Variants in AHNAK2 observed in about 807,000 individuals in gnomAD.
The protein encoded by AHNAK2 is AHNAK nucleoprotein 2.
In AHNAK2, 18 loss-of-function variants were observed where a neutral mutation model predicts 30.7. The ratio of observed to expected loss-of-function variants is 0.59; its 90% CI spans 0.41 to 0.87. AHNAK2 has a LOEUF of 0.87. Ranked by LOEUF, AHNAK2 falls within the 40% of genes least tolerant of loss-of-function variation. AHNAK2 has a pLI of 0.00. For synonymous variants in AHNAK2, 3,590 were observed against 3,073.8 expected (o/e 1.17, Z -5.56); for missense variants, 8,604 against 7,373.0 (o/e 1.17, Z -6.11).
chr14:104,940,228 C>A lies in AHNAK2; in HGVS notation c.15223G>T (p.Ala5075Ser). ...TCACTTCCTGTGGCACTTGCTGTTGCACCAAGTCCTCCCCTACCACCGTCA... is the reference window on the plus strand; with the variant it reads ...TCACTTCCTGTGGCACTTGCTGTTGAACCAAGTCCTCCCCTACCACCGTCA... Reference protein sequence around the residue: ...SSDGGRGGLGATASATGSEGV... With the variant: ...SSDGGRGGLGSTASATGSEGV... Residue 5075 changes from alanine (A) to serine (S), a missense_variant, in exon 7 of 7, where the codon GCA (alanine) becomes TCA (serine). Physicochemically the swap from Ala to Ser is moderately conservative, Grantham distance 99. Coordinates refer to ENST00000333244, the MANE Select transcript of AHNAK2 (RefSeq NM_138420.4). This position sits in a 1 kb window ranked among gnomAD's most constrained non-coding sequence, Gnocchi z 4.4. 1.2e-6 allele frequency: 2 copies of A among 1,613,566 alleles called. No individual in the cohort carries two copies. Among genetic ancestry groups the A allele is most frequent in the South Asian group, 1.1e-5 (1 of 91,078 alleles).
In AHNAK2 at chr14:104,946,293, T is replaced by C. The variant is rs1323758152; in HGVS notation, c.9158A>G (p.Glu3053Gly). ...DLKLPEGHVP[E>G]GAGLKGHLPK... ...CAGGTGCCCTTTGAGGCCAGCTCCCTCGGGAACGTGGCCCTCTGGGAGCTT... is the reference window on the plus strand; with the variant it reads ...CAGGTGCCCTTTGAGGCCAGCTCCCCCGGGAACGTGGCCCTCTGGGAGCTT... The change falls in exon 7 of 7, where the codon GAG becomes GGG. Residue 3053 changes from glutamate to glycine, a missense_variant. Glu to Gly is a moderately conservative substitution (Grantham distance 98, BLOSUM62 -2). Transcript: ENST00000333244. The C allele has an allele frequency of 6.2e-7, 1 of 1,611,602 alleles. No homozygotes were observed. Among genetic ancestry groups the C allele is most frequent in the Non-Finnish European group, 8.5e-7 (1 of 1,179,304 alleles).
In AHNAK2 at chr14:104,952,420, A is replaced by T. The variant is rs1023117370; in HGVS notation, c.3031T>A (p.Ser1011Thr). The T allele has an allele frequency of 6.2e-7, 1 of 1,612,466 alleles. No homozygotes were observed. The highest frequency in any genetic ancestry group is 8.5e-7 in the Non-Finnish European group (1 of 1,179,488). ...GCCTTGATGGACTTCCCTGGGGCCG[A>T]TACCCCGAACGACGGCATCTTGAAC... ...PKFKMPSFGVSAPGKSIKALV... is the reference protein window; with the variant it reads ...PKFKMPSFGVTAPGKSIKALV... Residue 1011 changes from serine (S) to threonine (T), a missense_variant, in exon 7 of 7, where the codon TCG becomes ACG. Ser to Thr is a moderately conservative substitution (Grantham distance 58, BLOSUM62 1). Transcript: ENST00000333244.
rs10438246 is a variant in AHNAK2, at chr14:104,943,846, T to C, written c.11605A>G (p.Met3869Val). The change falls in exon 7 of 7, where the codon ATG becomes GTG. Residue 3869 changes from methionine to valine, a missense_variant. By Grantham distance (21) the Met-to-Val change is conservative. Transcript: ENST00000333244. ...GGCACGTGGCCCTCCAGGAGTTTCA[T>C]GTCCACCTGGCGAGCTTGGACCGTC... ...DLTVQARQVD[M>V]KLLEGHVPEE... 875,320 of 1,612,574 alleles carry C rather than the reference T, an allele frequency of 0.54. 240,494 individuals carry two copies. The highest frequency in any genetic ancestry group is 0.67 in the Middle Eastern group (4,067 of 6,054).
chr14:104,961,281 G>A lies in AHNAK2; in HGVS notation c.56-3609C>T, dbSNP rs1018614511. ...TGTAATCCCAGCACTTTGGGAGGCC[G>A]AGGCGGGCGGATCACGAGGTCAGGA... On this transcript the variant is annotated intron_variant, in intron 1 of 6. Transcript: ENST00000333244. 1.3e-4 allele frequency among the ~76,000 whole-genome samples: 20 copies of A among 152,242 alleles called. No homozygotes were observed. The East Asian group carries it at 2.7e-3, about 21-fold the overall frequency.
In AHNAK2 at chr14:104,946,176, C is replaced by A. The variant is rs1286917958; in HGVS notation, c.9275G>T (p.Gly3092Val). The change falls in exon 7 of 7, where the codon GGC (glycine) becomes GTC (valine). Residue 3092 changes from glycine (G) to valine (V), a missense_variant. Physicochemically the swap from Gly to Val is moderately radical, Grantham distance 109 (BLOSUM62 -3). Coordinates refer to ENST00000333244, the MANE Select transcript of AHNAK2 (RefSeq NM_138420.4). ...GGGGGCCGTCACGTCCGTCTTCGGG[C>A]CTTTCAGGTCCAGCTTGGGGCCCTT... Reference protein sequence around the residue: ...DVKGPKLDLKGPKTDVTAPDV... With the variant: ...DVKGPKLDLKVPKTDVTAPDV... 3.7e-6 allele frequency: 6 copies of A among 1,610,912 alleles called. No homozygotes were observed. Among genetic ancestry groups the A allele is most frequent in the South Asian group, 1.1e-5 (1 of 90,868 alleles).
At position 104,946,147 on chromosome 14, in the gene AHNAK2, C is replaced by T. The variant is rs199560891; in HGVS notation, c.9304G>A (p.Val3102Met). The change falls in exon 7 of 7, where the codon GTG becomes ATG. Residue 3102 changes from valine to methionine, a missense_variant. Coordinates refer to ENST00000333244, the MANE Select transcript of AHNAK2 (RefSeq NM_138420.4). The part of the protein sequence containing the change: ...GPKTDVTAPD[V>M]EVSQPGMEVD... ...TCCATGCCGGGCTGAGACACCTCCA[C>T]GTCGGGGGCCGTCACGTCCGTCTTC... 169 of 1,612,426 alleles carry T rather than the reference C, an allele frequency of 1.0e-4. No individual in the cohort carries two copies. Among genetic ancestry groups the T allele is most frequent in the Non-Finnish European group, 1.3e-4 (158 of 1,179,548 alleles).
chr14:104,945,261 G>A lies in AHNAK2; in HGVS notation c.10190C>T (p.Pro3397Leu), dbSNP rs1460033466. 6 of 1,612,640 alleles carry A rather than the reference G, an allele frequency of 3.7e-6. No individual in the cohort carries two copies. Among genetic ancestry groups the A allele is most frequent in the South Asian group, 2.2e-5 (2 of 91,042 alleles). The change falls in exon 7 of 7, where the codon CCC (proline) becomes CTC (leucine). Residue 3397 changes from proline (P) to leucine (L), a missense_variant. Coordinates refer to ENST00000333244, the MANE Select transcript of AHNAK2 (RefSeq NM_138420.4). Reference sequence around the variant, plus strand: ...GTCCACTTTGGGCATCTTGAAACTGGGCATCTCCACCTTGGGCAGGTGCCC... The same window carrying A: ...GTCCACTTTGGGCATCTTGAAACTGAGCATCTCCACCTTGGGCAGGTGCCC... ...LKGHLPKVEMPSFKMPKVDLK... is the reference protein window; with the variant it reads ...LKGHLPKVEMLSFKMPKVDLK...
Position 104,947,346 on chromosome 14 carries a change from G to C in AHNAK2, c.8105C>G (p.Ser2702Cys), listed in dbSNP as rs764445130. The change falls in exon 7 of 7, where the codon TCT becomes TGT. Residue 2702 changes from serine (S) to cysteine (C), a missense_variant. Coordinates refer to ENST00000333244, the MANE Select transcript of AHNAK2 (RefSeq NM_138420.4). ...KTTDISIQPP[S>C]AQLEVQAGQV... is the part of the protein sequence containing the mutation. ...GCCAGCCTGGACCTCCAGTTGGGCA[G>C]AGGGGGGCTGAATGCTGATGTCAGT... 17 of 1,612,476 alleles carry C rather than the reference G, an allele frequency of 1.1e-5. No individual in the cohort carries two copies. The highest frequency in any genetic ancestry group is 1.4e-5 in the Non-Finnish European group (17 of 1,179,600).
At chr14:104,955,444 G>A (rs1443805398) in intron 5 of AHNAK2, 39 bp downstream of exon 5, 6 of 1,585,058 alleles carry the variant, frequency 3.8e-6, no homozygotes, top group Admixed American at 3.4e-5. Context: ...CATCCTGGTG[G>A]GGAGAATGGT....
chr14:104,938,611 ACT>A lies in AHNAK2; in HGVS notation c.16838_16839del (p.Glu5613ValfsTer4), dbSNP rs1167595854. Reference sequence around the variant, plus strand: ...GCCTCTTGGCTATCATCAGGGGGAAACTCAAGAATTTCTGCTGGCTCCTCATC... The same window carrying A: ...GCCTCTTGGCTATCATCAGGGGGAAACAAGAATTTCTGCTGGCTCCTCATC... ...CSDEEPAEILEFPPDDSQEAT... is the reference protein window; with the variant it reads ...CSDEEPAEILXFPPDDSQEAT... On this transcript the variant is annotated frameshift_variant, in exon 7 of 7. Coordinates refer to ENST00000333244, the MANE Select transcript of AHNAK2 (RefSeq NM_138420.4). LOFTEE classifies it low-confidence loss of function (END_TRUNC). 1 of 1,612,802 alleles carries A rather than the reference ACT, an allele frequency of 6.2e-7. No individual in the cohort carries two copies. The highest frequency in any genetic ancestry group is 1.3e-5 in the African/African-American group (1 of 74,912).
chr14:104,959,002 C>T (rs939708515), intron 1 of AHNAK2, among the ~76,000 whole-genome samples: 18 of 152,118 alleles, frequency 1.2e-4, no homozygotes, highest in African/African-American at 3.1e-4. Flanking sequence ...CTGTTGTCAA[C>T]GAAGAATTTG....
intron 1 of AHNAK2, among the ~76,000 whole-genome samples, chr14:104,961,223 T>C (rs1479534082): frequency 1.3e-5 from 2 of 149,502 alleles, no homozygotes; most frequent in Admixed American, 1.3e-4. Flanking sequence ...GTGCAAAAGT[T>C]GCTGTTGTGG....
chr14:104,938,122 G>C lies in AHNAK2; in HGVS notation c.17329C>G (p.Gln5777Glu), dbSNP rs1455071401. The change falls in exon 7 of 7, where the codon CAG (glutamine) becomes GAG (glutamate). Residue 5777 changes from glutamine (Q) to glutamate (E), a missense_variant. Physicochemically the swap from Gln to Glu is conservative, Grantham distance 29. Coordinates refer to ENST00000333244, the MANE Select transcript of AHNAK2 (RefSeq NM_138420.4). ...CTTTCATCGTCAGCTTTTCTGTCCT[G>C]CTCGGGCAGGATTAACTCTGTTCTT... ...AARTELILPE[Q>E]DRKADDESKG... is the part of the protein sequence containing the mutation. 1.2e-6 allele frequency: 2 copies of C among 1,613,770 alleles called. No individual in the cohort carries two copies. The highest frequency in any genetic ancestry group is 1.7e-6 in the Non-Finnish European group (2 of 1,179,900).
rs1424446241 is a variant in AHNAK2 at position 104,950,150 on chromosome 14, C to A, written c.5301G>T (p.Lys1767Asn). ...CCGCCTTGGGGCCTTTCAGGTCCAG[C>A]TTGGGGCCCTTGACGTCCATCTGGG... ...KGPQMDVKGP[K>N]LDLKGPKAEV... is the part of the protein sequence containing the mutation. The change falls in exon 7 of 7, where the codon AAG (lysine) becomes AAT (asparagine). Residue 1767 changes from lysine to asparagine, a missense_variant. By Grantham distance (94) the Lys-to-Asn change is moderately conservative (BLOSUM62 0). Transcript: ENST00000333244. 1 of 1,586,344 alleles carries A rather than the reference C, an allele frequency of 6.3e-7. No homozygotes were observed. Among genetic ancestry groups the A allele is most frequent in the Non-Finnish European group, 8.6e-7 (1 of 1,162,968 alleles).
rs546644477 is a variant in AHNAK2, at chr14:104,952,516, A to T, written c.2935T>A (p.Trp979Arg). 6.2e-7 allele frequency: 1 copy of T among 1,602,810 alleles called. No individual in the cohort carries two copies. The highest frequency in any genetic ancestry group is 8.5e-7 in the Non-Finnish European group (1 of 1,176,092). The change falls in exon 7 of 7, where the codon TGG becomes AGG. Residue 979 changes from tryptophan to arginine, a missense_variant. Trp to Arg is a moderately radical substitution (Grantham distance 101). Transcript: ENST00000333244. ...GCCAGGGACAGGTCCCCCTCCAGCC[A>T]CGCACCATCCAGCTTGGCCTTCTGG... ...QAQKAKLDGAWLEGDLSLADK... is the reference protein window; with the variant it reads ...QAQKAKLDGARLEGDLSLADK...
At chr14:104,975,536 C>T (rs1899570446) in intron 1 of AHNAK2, among the ~76,000 whole-genome samples, 1 of 152,216 alleles carries the variant, frequency 6.6e-6, no homozygotes. Context: ...CAGAGGGGCT[C>T]CTTTGCCTGC....
In AHNAK2 at chr14:104,942,445, A is replaced by G. The variant is rs1364970087; in HGVS notation, c.13006T>C (p.Ser4336Pro). The G allele has an allele frequency of 6.2e-7, 1 of 1,612,846 alleles. No homozygotes were observed. The highest frequency in any genetic ancestry group is 1.7e-5 in the Admixed American group (1 of 59,946). Residue 4336 changes from serine to proline, a missense_variant, in exon 7 of 7, where the codon TCC becomes CCC. Ser to Pro is a moderately conservative substitution (Grantham distance 74). Coordinates refer to ENST00000333244, the MANE Select transcript of AHNAK2 (RefSeq NM_138420.4). ...GTGGTCTTCAGGTCCCCCTGCATGG[A>G]GGGGAGGCTCACGTCAGCCTCCACC... ...LKVEADVSLP[S>P]MQGDLKTTHL...
Position 104,954,989 on chromosome 14 carries a change from C to A in AHNAK2, c.619G>T (p.Ala207Ser), listed in dbSNP as rs1195828941. The change falls in exon 6 of 7, where the codon GCC (alanine) becomes TCC (serine). Residue 207 changes from alanine to serine, a missense_variant. Ala to Ser is a moderately conservative substitution (Grantham distance 99, BLOSUM62 1). Transcript: ENST00000333244. This position sits in a 1 kb window ranked among gnomAD's most constrained non-coding sequence, Gnocchi z 4.3. ...PQDEEWASSD[A>S]QHGPQGKEKE... ...TCCTTGCCCTGTGGGCCGTGCTGGG[C>A]ATCGCTGGAAGCCCACTCTTCATCC... is the stretch of plus-strand genomic sequence containing the variant. The A allele has an allele frequency of 3.1e-6, 5 of 1,613,506 alleles. No homozygotes were observed. In the South Asian group the frequency reaches 5.5e-5, roughly 18 times the overall value.
At position 104,952,201 on chromosome 14, in the gene AHNAK2, C is replaced by T. The variant is rs1243717944; in HGVS notation, c.3250G>A (p.Val1084Met). The change falls in exon 7 of 7, where the codon GTG (valine) becomes ATG (methionine). Residue 1084 changes from valine (V) to methionine (M), a missense_variant. Val to Met is a conservative substitution (Grantham distance 21). Coordinates refer to ENST00000333244, the MANE Select transcript of AHNAK2 (RefSeq NM_138420.4). Reference protein sequence around the residue: ...GAGLKGHLPKVEMPSFKMPKV... With the variant: ...GAGLKGHLPKMEMPSFKMPKV... ...GGCATCTTGAAACTGGGCATCTCCA[C>T]CTTGGGCAAGTGCCCTTTAAGGCCA... The T allele has an allele frequency of 3.7e-6, 6 of 1,612,518 alleles. No homozygotes were observed. Among genetic ancestry groups the T allele is most frequent in the South Asian group, 3.3e-5 (3 of 91,030 alleles).
Sources: allele counts gnomAD v4.1 joint callset (sites outside exome capture counted in the v4.1 genomes callset), GRCh38; gene constraint gnomAD v4.1.1; non-coding constraint Gnocchi (gnomAD v3.1); transcripts MANE v1.5; gene names NCBI Gene and HGNC (gene_info 2026-07-23, HGNC 2026-07-21).